The following CDK14 variants were observed in gnomAD, a reference collection of about 807,000 sequenced individuals.
CDK14 encodes cyclin-dependent kinase 14.
Under a neutral mutation model 60.7 loss-of-function variants are expected in CDK14, and 34 were observed. The observed-to-expected ratio is 0.56, with a 90% CI of 0.43 to 0.75. The LOEUF (loss-of-function observed/expected upper bound fraction) is 0.75, where lower values mean the gene tolerates loss of function less well. Among genes scored for constraint, CDK14 ranks in the 30% least tolerant of loss-of-function variants. The pLI, the probability that CDK14 is intolerant of heterozygous loss-of-function variation, is 0.00. For missense variants in CDK14, 482 were observed against 564.1 expected (o/e 0.85, Z 1.47); for synonymous variants, 197 against 203.7 (o/e 0.97, Z 0.28).
intron 4 of CDK14, among the ~76,000 whole-genome samples, chr7:90,778,845 G>GACCT (rs1562765448): frequency 4.2e-5 from 5 of 117,660 alleles, no homozygotes; most frequent in East Asian, 2.3e-4. Flanking sequence ...AAAATTGACC[G>GACCT]ACCTTCCTTC....
chr7:90,636,722 C>T (rs1041123429), intron 2 of CDK14, among the ~76,000 whole-genome samples: 1 of 152,134 alleles, frequency 6.6e-6, no homozygotes, highest in Non-Finnish European at 1.5e-5. Flanking sequence ...CCAGTTCCTC[C>T]TTGTACCTGT....
chr7:90,653,179 G>A (rs1423283172), intron 2 of CDK14, among the ~76,000 whole-genome samples: 1 of 151,830 alleles, frequency 6.6e-6, no homozygotes, highest in Non-Finnish European at 1.5e-5. Flanking sequence ...CTTATACACT[G>A]TACACCTCCC....
intron 11 of CDK14, among the ~76,000 whole-genome samples, chr7:91,062,749 T>C (rs1276679806): frequency 6.6e-6 from 1 of 152,028 alleles, no homozygotes; most frequent in Non-Finnish European, 1.5e-5. Flanking sequence ...AAATACTGTT[T>C]CATGACACAA....
At chr7:90,808,389 A>G (rs1788947731) in intron 5 of CDK14, among the ~76,000 whole-genome samples, 1 of 152,216 alleles carries the variant, frequency 6.6e-6, no homozygotes, top group Non-Finnish European at 1.5e-5. Context: ...AAGGAGAAAT[A>G]AAATACTTTA....
chr7:91,041,902 G>A (rs552159219), intron 10 of CDK14, among the ~76,000 whole-genome samples: 78 of 152,202 alleles, frequency 5.1e-4, no homozygotes, highest in African/African-American at 1.6e-3. Context: ...ATCTGGTGCC[G>A]GGCACATGGT....
chr7:90,678,111 C>G (rs1801237203), intron 2 of CDK14, among the ~76,000 whole-genome samples: 1 of 152,186 alleles, frequency 6.6e-6, no homozygotes, highest in Admixed American at 6.5e-5. Flanking sequence ...GGAGCAAAGC[C>G]ACAGCCTTTG....
At chr7:90,974,666 A>T (rs1795018812) in intron 9 of CDK14, among the ~76,000 whole-genome samples, 1 of 152,162 alleles carries the variant, frequency 6.6e-6, no homozygotes, top group Admixed American at 6.6e-5. Flanking sequence ...TCCTCATGTG[A>T]TATAATTATT....
intron 2 of CDK14, among the ~76,000 whole-genome samples, chr7:90,644,407 C>A (rs995091915): frequency 6.6e-6 from 1 of 152,180 alleles, no homozygotes; most frequent in African/African-American, 2.4e-5. Flanking sequence ...GATGGGTAAT[C>A]TAATCATTAA....
At chr7:90,858,968 G>C (rs976904759) in intron 5 of CDK14, among the ~76,000 whole-genome samples, 1 of 152,174 alleles carries the variant, frequency 6.6e-6, no homozygotes, top group African/African-American at 2.4e-5. Flanking sequence ...TGATTTTACT[G>C]TTATTGTAAT....
At chr7:91,069,794 A>AT (rs1444256294) in intron 11 of CDK14, among the ~76,000 whole-genome samples, 3 of 152,084 alleles carry the variant, frequency 2.0e-5, no homozygotes, top group African/African-American at 7.2e-5. Flanking sequence ...ATTTTTTAAA[A>AT]TTTTTTGTTT....
rs1799184577 is a variant in CDK14, at chr7:90,596,361, C to G, written c.-267C>G. 1 of 159,346 alleles carries G rather than the reference C, an allele frequency of 6.3e-6. No individual in the cohort carries two copies. The highest frequency in any genetic ancestry group is 2.4e-5 in the African/African-American group (1 of 41,338). 9.9% of individuals were successfully genotyped at this position (159,346 alleles called of 1,614,324 possible). ...TGAGCCGGGCGGCGGCGGCGCGGCG[C>G]GGGGCCACCACGGCGGCGGCGAGCG... On this transcript the variant is annotated 5_prime_UTR_variant, in exon 1 of 15. Transcript: ENST00000380050.
At chr7:90,928,555 G>C (rs534708280) in intron 8 of CDK14, among the ~76,000 whole-genome samples, 41 of 152,324 alleles carry the variant, frequency 2.7e-4, no homozygotes, top group African/African-American at 9.9e-4. Context: ...CAGAACGGCA[G>C]ATGTTACTCC....
At chr7:90,706,227 G>T (rs535760118) in intron 2 of CDK14, among the ~76,000 whole-genome samples, 35 of 152,140 alleles carry the variant, frequency 2.3e-4, no homozygotes, top group Admixed American at 2.3e-3. Flanking sequence ...TGTGAATCCT[G>T]TATGACATAA....
chr7:91,112,406 T>G lies in CDK14; in HGVS notation c.1155-136T>G, dbSNP rs1361607725. ...CTCTGAGAACCAACATGCATTTTGC[T>G]TCTGTTTATTTCAGCAGGTAATTTG... On this transcript the variant is annotated intron_variant, in intron 12 of 14. Coordinates refer to ENST00000380050, the MANE Select transcript of CDK14 (RefSeq NM_001287135.2). 1.9e-5 allele frequency: 17 copies of G among 886,382 alleles called. No individual in the cohort carries two copies. The Admixed American group carries it at 3.7e-4, about 20-fold the overall frequency. The allele number at this position is 886,382 out of a possible 1,614,324, so 54.9% of individuals were successfully genotyped here. A position where few individuals can be genotyped will look rare whatever the true frequency, so the allele number is the denominator to read the frequency against.
intron 5 of CDK14, among the ~76,000 whole-genome samples, chr7:90,853,066 T>A (rs189887102): frequency 6.6e-6 from 1 of 152,368 alleles, no homozygotes; most frequent in African/African-American, 2.4e-5. Flanking sequence ...TCTGTGCTCA[T>A]AATCTGTTTT....
chr7:90,996,640 G>A (rs1250619138), intron 10 of CDK14, among the ~76,000 whole-genome samples: 2 of 152,162 alleles, frequency 1.3e-5, no homozygotes, highest in African/African-American at 2.4e-5. Flanking sequence ...ACAGTCATAC[G>A]TTTCCAGGTA....
intron 10 of CDK14, among the ~76,000 whole-genome samples, chr7:91,007,559 T>C (rs998168374): frequency 8.5e-5 from 13 of 152,182 alleles, no homozygotes; most frequent in African/African-American, 2.9e-4. Flanking sequence ...ATCAGATAAC[T>C]GTTACCAGTA....
rs1200389089 is a variant in CDK14 at position 90,679,717 on chromosome 7, C to CA, written c.124-46846dup. On this transcript the variant is annotated intron_variant, in intron 2 of 14. Transcript: ENST00000380050. ...AGTGACTCCAGTAGTTTTATTGAAT[C>CA]AAAAGTAGTTTACTTTCTTAGCAAA... 2.6e-5 allele frequency among the ~76,000 whole-genome samples: 4 copies of CA among 152,254 alleles called. No individual in the cohort carries two copies. The East Asian group carries it at 7.7e-4, about 29-fold the overall frequency.
chr7:90,802,921 C>A (rs1431532986), intron 5 of CDK14, among the ~76,000 whole-genome samples: 1 of 152,038 alleles, frequency 6.6e-6, no homozygotes, highest in Non-Finnish European at 1.5e-5. Flanking sequence ...TCTATATTGT[C>A]ACTTTCATTT....
Sources: gnomAD v4.1 joint callset for allele counts (sites outside exome capture counted in the v4.1 genomes callset) on GRCh38, gnomAD v4.1.1 for gene constraint, MANE v1.5 for transcripts, NCBI Gene and HGNC (gene_info 2026-07-23, HGNC 2026-07-21) for gene names.